The following PSMD4 variants were observed in gnomAD, a reference collection of about 807,000 sequenced individuals.
PSMD4 encodes the protein 26S proteasome non-ATPase regulatory subunit 4.
A neutral mutation model predicts 39.7 loss-of-function variants in PSMD4; 5 were observed. That is an observed-to-expected ratio of 0.13 (90% CI 0.07 to 0.26). The LOEUF is 0.26. Ranked by LOEUF, PSMD4 falls within the 10% of genes least tolerant of loss-of-function variation. The pLI is 1.00. For synonymous variants in PSMD4, 143 were observed against 174.6 expected (o/e 0.82, Z 1.43); for missense variants, 272 against 486.1 (o/e 0.56, Z 4.14).
chr1:151,255,437 G>A (rs952992682), intron 1 of PSMD4, among the ~76,000 whole-genome samples: 1 of 152,184 alleles, frequency 6.6e-6, no homozygotes, highest in African/African-American at 2.4e-5. Flanking sequence ...ACCCACGGCT[G>A]TCTGACACAA....
intron 3 of PSMD4, 64 bp downstream of exon 3, chr1:151,264,092 C>A: frequency 8.0e-7 from 1 of 1,248,060 alleles, no homozygotes; most frequent in Non-Finnish European, 1.1e-6. Flanking sequence ...CCATCATACT[C>A]ATTTCTCCCC....
chr1:151,264,418 T>A (rs962804762), intron 3 of PSMD4, among the ~76,000 whole-genome samples: 2 of 150,836 alleles, frequency 1.3e-5, no homozygotes, highest in African/African-American at 4.9e-5. Flanking sequence ...CACGGGCAGA[T>A]CACCTGACGT....
rs1693407999 is a variant in PSMD4 at position 151,265,378 on chromosome 1, G to A, written c.439-16G>A. On this transcript the variant is annotated splice_polypyrimidine_tract_variant and intron_variant, in intron 5 of 9. Transcript: ENST00000368884. ...CAAGGCCTGAAGAAGGGCATCATGT[G>A]TTCTTTCCTCCCCAGGAGGTGAACA... The A allele has an allele frequency of 6.2e-7, 1 of 1,613,584 alleles. No individual in the cohort carries two copies. Among genetic ancestry groups the A allele is most frequent in the East Asian group, 2.2e-5 (1 of 44,882 alleles).
chr1:151,265,930 ACC>A, intron 6 of PSMD4, 72 bp from the exon 7 acceptor site: 2 of 1,492,400 alleles, frequency 1.3e-6, no homozygotes, highest in Non-Finnish European at 1.8e-6. Flanking sequence ...CCTTTCCCAC[ACC>A]CCAACTGACT....
chr1:151,266,971 T>C (rs781182863), intron 9 of PSMD4: 1 of 733,092 alleles, frequency 1.4e-6, no homozygotes, highest in South Asian at 1.5e-5. Flanking sequence ...AGCAGGCCCC[T>C]CTATTTGGTT....
rs192096919 is a variant in PSMD4, at chr1:151,263,704, G to C, written c.168-210G>C. 4.3e-4 allele frequency: 139 copies of C among 320,666 alleles called. 1 individual carries two copies. The Middle Eastern group carries it at 6.0e-3, about 14-fold the overall frequency. The allele number at this position is 320,666 out of a possible 1,614,324, so 19.9% of individuals were successfully genotyped here. On this transcript the variant is annotated intron_variant, in intron 2 of 9. Transcript: ENST00000368884. ...AAATTAGCCAGGCGTGGTAGTGGGTGCCCGTAGTCCCAGCTACTTGGGAGT... is the reference window on the plus strand; with the variant it reads ...AAATTAGCCAGGCGTGGTAGTGGGTCCCCGTAGTCCCAGCTACTTGGGAGT...
In PSMD4 at chr1:151,267,369, C is replaced by T; in HGVS notation, c.*26C>T. The T allele has an allele frequency of 1.2e-6, 2 of 1,610,844 alleles. No individual in the cohort carries two copies. Among genetic ancestry groups the T allele is most frequent in the Non-Finnish European group, 1.7e-6 (2 of 1,177,414 alleles). ...GACTGGAGGGAAAGGGTAGCTGAGT[C>T]TGCTTAGGGGACTGCATGGGAAGCA... On this transcript the variant is annotated 3_prime_UTR_variant, in exon 10 of 10. Coordinates refer to ENST00000368884, the MANE Select transcript of PSMD4 (RefSeq NM_002810.4).
intron 6 of PSMD4, 53 bp from the exon 7 acceptor site, chr1:151,265,951 T>C: frequency 6.6e-7 from 1 of 1,514,654 alleles, no homozygotes. Flanking sequence ...CTTTCCCAGC[T>C]CCCTGTAGGA....
chr1:151,265,108 TC>T, intron 4 of PSMD4, 57 bp from the exon 5 acceptor site: 1 of 1,402,364 alleles, frequency 7.1e-7, no homozygotes. Flanking sequence ...ATGCGGCGGG[TC>T]CTTTCCCCCC....
In PSMD4 at chr1:151,264,610, CAA is replaced by C. The variant is rs374275752; in HGVS notation, c.283-210_283-209del. On this transcript the variant is annotated intron_variant, in intron 3 of 9. Transcript: ENST00000368884. ...TGGGCGACAGAGCGAGACTCCATCT[CAA>C]AAAAAAAAAAAGAGAGAAAGAGAAT... Among the ~76,000 whole-genome samples, 690 of 126,616 alleles carry C rather than the reference CAA, an allele frequency of 5.4e-3. 7 individuals carry two copies. Among genetic ancestry groups the C allele is most frequent in the African/African-American group, 0.019 (645 of 34,030 alleles). The allele number at this position is 126,616 out of a possible 152,430, so 83.1% of individuals were successfully genotyped here. A position where few individuals can be genotyped will look rare whatever the true frequency, so the allele number is the denominator to read the frequency against.
At chr1:151,256,202 G>C (rs1460911523) in intron 1 of PSMD4, among the ~76,000 whole-genome samples, 1 of 151,286 alleles carries the variant, frequency 6.6e-6, no homozygotes, top group Non-Finnish European at 1.5e-5. Context: ...AAATTAGCCA[G>C]GCGTGGTGGT....
intron 4 of PSMD4, 69 bp from the exon 5 acceptor site, chr1:151,265,097 T>C: frequency 7.2e-7 from 1 of 1,388,510 alleles, no homozygotes; most frequent in Non-Finnish European, 9.8e-7. Context: ...TGTATGCTTT[T>C]ATGCGGCGGG....
intron 2 of PSMD4, 54 bp downstream of exon 2, chr1:151,262,355 A>G: frequency 6.2e-7 from 1 of 1,602,456 alleles, no homozygotes; most frequent in Non-Finnish European, 8.5e-7. Context: ...GTTACATGCT[A>G]CTCTTCTTTA....
intron 9 of PSMD4, 115 bp downstream of exon 9, chr1:151,266,702 A>G (rs1245868950): frequency 3.2e-6 from 4 of 1,257,038 alleles, no homozygotes; most frequent in Non-Finnish European, 4.5e-6. Context: ...AGAGGGAAAC[A>G]CATGGATTTG....
Position 151,267,322 on chromosome 1 carries a change from G to A in PSMD4, c.1113G>A (p.Lys371=), listed in dbSNP as rs181354180. The A allele has an allele frequency of 6.2e-7, 1 of 1,613,930 alleles. No individual in the cohort carries two copies. The highest frequency in any genetic ancestry group is 8.5e-7 in the Non-Finnish European group (1 of 1,179,806). Residue 371 remains lysine, a synonymous_variant, in exon 10 of 10, where the codon AAG becomes AAA. Transcript: ENST00000368884. ...SQATKDGKKD[K]KEEDKK ...CCACCAAGGACGGCAAGAAGGACAA[G>A]AAGGAGGAAGACAAGAAGTGAGACT...
chr1:151,260,425 G>C (rs1361215091), intron 1 of PSMD4, among the ~76,000 whole-genome samples: 1 of 152,158 alleles, frequency 6.6e-6, no homozygotes, highest in East Asian at 1.9e-4. Context: ...ATCATGAAAA[G>C]TTGCAGGGAT....
rs1204223343 is a variant in PSMD4, at chr1:151,266,566, G to A, written c.942G>A (p.Met314Ile). Residue 314 changes from methionine (M) to isoleucine (I), a missense_variant, in exon 9 of 10, where the codon ATG (methionine) becomes ATA (isoleucine). Transcript: ENST00000368884. Reference protein sequence around the residue: ...ESADIDASSAMDTSEPAKEED... With the variant: ...ESADIDASSAIDTSEPAKEED... ...CAGACATTGATGCCAGCTCAGCTAT[G>A]GACACATCTGAGCCAGCCAAGGTGA... 6.2e-7 allele frequency: 1 copy of A among 1,614,150 alleles called. No homozygotes were observed. The highest frequency in any genetic ancestry group is 1.1e-5 in the South Asian group (1 of 91,082).
At chr1:151,261,258 C>T (rs587601384) in intron 1 of PSMD4, among the ~76,000 whole-genome samples, 1 of 150,456 alleles carries the variant, frequency 6.6e-6, no homozygotes, top group East Asian at 2.0e-4. Context: ...TCACCACAAC[C>T]TCCGTCTCCT....
At chr1:151,264,351 A>G (rs199529038) in intron 3 of PSMD4, among the ~76,000 whole-genome samples, 1 of 152,004 alleles carries the variant, frequency 6.6e-6, no homozygotes, top group East Asian at 1.9e-4. Context: ...AAAAAAAAAA[A>G]AAAAAAGGCC....
Sources: gnomAD v4.1 joint callset for allele counts (sites outside exome capture counted in the v4.1 genomes callset) on GRCh38, gnomAD v4.1.1 for gene constraint, MANE v1.5 for transcripts, NCBI Gene and HGNC (gene_info 2026-07-23, HGNC 2026-07-21) for gene names.